Variants in SIPA1L3 observed in about 807,000 individuals in gnomAD.
The protein encoded by SIPA1L3 is signal-induced proliferation-associated 1-like protein 3.
In SIPA1L3, 59 loss-of-function variants were observed where a neutral mutation model predicts 150.1. That is an observed-to-expected ratio of 0.39 (90% CI 0.32 to 0.49). SIPA1L3 has a LOEUF of 0.49. SIPA1L3 is among the 20% of genes least tolerant of loss of function. The pLI is 0.86. For synonymous variants in SIPA1L3, 1,070 were observed against 1,077.6 expected, an observed-to-expected ratio of 0.99 and a Z score of 0.14; for missense variants, 2,211 against 2,489.5, an observed-to-expected ratio of 0.89 and a Z score of 2.38.
At chr19:37,940,734 C>G (rs552977933) in intron 1 of SIPA1L3, among the ~76,000 whole-genome samples, 56 of 152,004 alleles carry the variant, frequency 3.7e-4, no homozygotes, top group Non-Finnish European at 7.4e-4. Flanking sequence ...CATGTACCAC[C>G]ACGCCCAGCT....
intron 1 of SIPA1L3, among the ~76,000 whole-genome samples, chr19:37,922,181 G>A (rs182899528): frequency 6.6e-6 from 1 of 151,760 alleles, no homozygotes; most frequent in East Asian, 2.0e-4. Flanking sequence ...GCCCCACCGG[G>A]TTCAAGCAAT....
intron 2 of SIPA1L3, among the ~76,000 whole-genome samples, chr19:38,063,211 C>T (rs57999412): frequency 0.19 from 29,290 of 152,060 alleles, 3,111 homozygotes; most frequent in African/African-American, 0.28. Context: ...ACCCCCCTCC[C>T]CACTCCAACC....
chr19:37,963,676 T>G (rs2046879087), intron 1 of SIPA1L3, among the ~76,000 whole-genome samples: 2 of 152,260 alleles, frequency 1.3e-5, no homozygotes, highest in Non-Finnish European at 2.9e-5. Context: ...TTATATGCCT[T>G]TGGTTGATTT....
rs1189024817 is a variant in SIPA1L3, at chr19:38,110,282, C to A, written c.2189C>A (p.Pro730His). The change falls in exon 8 of 22, where the codon CCT becomes CAT. Residue 730 changes from proline to histidine, a missense_variant. Transcript: ENST00000222345. ...NDIVTIIFQE[P>H]GALPFTPKNI... ...ATCGTGACGATCATCTTCCAGGAGC[C>A]TGGCGCGCTACCGTTCACCCCCAAG... 4 of 1,614,096 alleles carry A rather than the reference C, an allele frequency of 2.5e-6. No individual in the cohort carries two copies. The East Asian group carries it at 8.9e-5, about 36-fold the overall frequency.
chr19:38,136,863 G>A (rs1350722084), intron 10 of SIPA1L3, among the ~76,000 whole-genome samples: 1 of 152,230 alleles, frequency 6.6e-6, no homozygotes, highest in Non-Finnish European at 1.5e-5. Flanking sequence ...AGAGCCCCAA[G>A]GTGGTTTGGT....
At chr19:38,175,567 C>T (rs1568592968) in intron 15 of SIPA1L3, among the ~76,000 whole-genome samples, 1 of 152,274 alleles carries the variant, frequency 6.6e-6, no homozygotes, top group African/African-American at 2.4e-5. Flanking sequence ...GCACAGAGCA[C>T]GTTGCCTGCC....
intron 12 of SIPA1L3, among the ~76,000 whole-genome samples, chr19:38,151,073 TG>T (rs1383601675): frequency 6.6e-6 from 1 of 152,070 alleles, no homozygotes; most frequent in African/African-American, 2.4e-5. Flanking sequence ...ACCATCAGAG[TG>T]GGTCTTACCT....
At chr19:38,100,214 G>T (rs960263567) in intron 5 of SIPA1L3, 64 bp downstream of exon 5, 2 of 1,275,000 alleles carry the variant, frequency 1.6e-6, no homozygotes, top group Non-Finnish European at 2.1e-6. Flanking sequence ...ACTCCTGGTA[G>T]CTTTTTCTAT....
At chr19:38,083,761 C>G (rs1438143665) in intron 3 of SIPA1L3, among the ~76,000 whole-genome samples, 2 of 152,064 alleles carry the variant, frequency 1.3e-5, no homozygotes, top group Non-Finnish European at 2.9e-5. Flanking sequence ...GAGGCTGAGG[C>G]AGGCGGATCA....
intron 8 of SIPA1L3, among the ~76,000 whole-genome samples, chr19:38,115,195 G>A (rs1350816477): frequency 6.6e-6 from 1 of 152,188 alleles, no homozygotes; most frequent in African/African-American, 2.4e-5. Flanking sequence ...TGTGGCCCTG[G>A]GAGAGGGGCG....
chr19:38,087,230 G>T (rs1035633611), intron 3 of SIPA1L3, among the ~76,000 whole-genome samples: 3 of 152,138 alleles, frequency 2.0e-5, no homozygotes, highest in Non-Finnish European at 4.4e-5. Flanking sequence ...GCTAGGATTC[G>T]CAAGGAGCTA....
intron 2 of SIPA1L3, among the ~76,000 whole-genome samples, chr19:38,079,624 G>C (rs530255930): frequency 6.7e-6 from 1 of 150,356 alleles, no homozygotes; most frequent in Non-Finnish European, 1.5e-5. Context: ...TGGTGTGATC[G>C]TGGCTCATGC....
At chr19:37,937,740 T>TAAAA (rs1432360946) in intron 1 of SIPA1L3, among the ~76,000 whole-genome samples, 1 of 12,448 alleles carries the variant, frequency 8.0e-5, no homozygotes, top group African/African-American at 7.9e-4. Context: ...AAACCCTGTC[T>TAAAA]CAAAAAAAAA....
At chr19:38,093,736 G>A (rs547237755) in intron 4 of SIPA1L3, among the ~76,000 whole-genome samples, 6 of 152,298 alleles carry the variant, frequency 3.9e-5, no homozygotes, top group Admixed American at 1.3e-4. Context: ...GTCCCCAGCC[G>A]CCAAGCAGAC....
intron 13 of SIPA1L3, among the ~76,000 whole-genome samples, chr19:38,158,165 G>A (rs1276267786): frequency 6.6e-6 from 1 of 152,084 alleles, no homozygotes; most frequent in African/African-American, 2.4e-5. Context: ...CCCGGGAGGT[G>A]GAGGTTGCAG....
At chr19:37,962,781 C>T (rs2046871218) in intron 1 of SIPA1L3, among the ~76,000 whole-genome samples, 1 of 152,126 alleles carries the variant, frequency 6.6e-6, no homozygotes, top group South Asian at 2.1e-4. Flanking sequence ...CGTGAGCCAC[C>T]TCACCCAGCC....
chr19:38,006,498 T>A (rs539941092), intron 1 of SIPA1L3, among the ~76,000 whole-genome samples: 1 of 152,162 alleles, frequency 6.6e-6, no homozygotes, highest in African/African-American at 2.4e-5. Flanking sequence ...TCCCCCACAC[T>A]GACATGGGCA....
intron 8 of SIPA1L3, 101 bp downstream of exon 8, chr19:38,110,485 G>A (rs1970714557): frequency 1.0e-6 from 1 of 964,534 alleles, no homozygotes; most frequent in African/African-American, 1.6e-5. Context: ...CTCACGTTGT[G>A]CTTCAGGAGA....
In SIPA1L3 at chr19:38,182,758, CAGCGA is replaced by C; in HGVS notation, c.4430+19_4430+23del. The C allele has an allele frequency of 6.3e-7, 1 of 1,575,182 alleles. No homozygotes were observed. The highest frequency in any genetic ancestry group is 1.1e-5 in the South Asian group (1 of 86,972). On this transcript the variant is annotated intron_variant, in intron 16 of 21. Coordinates refer to ENST00000222345, the MANE Select transcript of SIPA1L3 (RefSeq NM_015073.3). ...CCAAAGAAGTAAGTGCCTGGACGTC[CAGCGA>C]GGCGCCCGCCAGATCCACACCAGGG...
Sources: allele counts gnomAD v4.1 joint callset (sites outside exome capture counted in the v4.1 genomes callset), GRCh38; gene constraint gnomAD v4.1.1; transcripts MANE v1.5; gene names NCBI Gene and HGNC (gene_info 2026-07-23, HGNC 2026-07-21).